RBKS: variants seen among roughly 807,000 people sequenced by gnomAD.
RBKS encodes ribokinase.
RBKS carries 33 observed loss-of-function variants against 33.9 expected under a neutral mutation model. The observed-to-expected ratio is 0.97, with a 90% CI of 0.74 to 1.30. RBKS has a LOEUF of 1.30. Among genes scored for constraint, RBKS ranks in the 50% most tolerant of loss-of-function variants. The pLI is 0.00. For synonymous variants in RBKS, 125 were observed against 143.0 expected, an observed-to-expected ratio of 0.87 and a Z score of 0.90; for missense variants, 361 against 392.6, an observed-to-expected ratio of 0.92 and a Z score of 0.68.
At chr2:27,840,828 CTCTCAG>C (rs1663479244) in intron 5 of RBKS, among the ~76,000 whole-genome samples, 1 of 152,132 alleles carries the variant, frequency 6.6e-6, no homozygotes, top group South Asian at 2.1e-4. Flanking sequence ...ATGACTTAAC[CTCTCAG>C]TCTCAGTCTT....
At chr2:27,870,026 C>G (rs1018416455) in intron 1 of RBKS, 1 of 152,246 alleles carries the variant, frequency 6.6e-6, no homozygotes, top group African/African-American at 2.4e-5. Flanking sequence ...CGGACAAAGT[C>G]GATTCACCTT....
rs550766492 is a variant in RBKS, at chr2:27,837,027, C to A, written c.515-4250G>T. On this transcript the variant is annotated intron_variant, in intron 5 of 7. Coordinates refer to ENST00000302188, the MANE Select transcript of RBKS (RefSeq NM_022128.3). This position sits in a 1 kb window ranked among gnomAD's most constrained non-coding sequence, Gnocchi z 4.0. ...GTGGCTCACACCTGTAATCCCAGCACTTTGGGCGGCCGAGGCAGGCAGATC... is the reference window on the plus strand; with the variant it reads ...GTGGCTCACACCTGTAATCCCAGCAATTTGGGCGGCCGAGGCAGGCAGATC... Among the ~76,000 whole-genome samples the A allele has an allele frequency of 7.3e-5, 11 of 151,624 alleles. No individual in the cohort carries two copies. The highest frequency in any genetic ancestry group is 2.7e-4 in the African/African-American group (11 of 40,912).
Position 27,787,193 on chromosome 2 carries a change from C to T in RBKS, c.796-5405G>A, listed in dbSNP as rs147430251. Among the ~76,000 whole-genome samples the T allele has an allele frequency of 6.1e-3, 922 of 152,206 alleles. 5 individuals are homozygous for T. Among genetic ancestry groups the T allele is most frequent in the Non-Finnish European group, 7.4e-3 (503 of 68,002 alleles). ...TTGTAGAGATGAGGTTGGCCAGGCA[C>T]GGCGGCTCACGTCTGTAATCCCAGC... On this transcript the variant is annotated intron_variant, in intron 7 of 7. Transcript: ENST00000302188.
intron 5 of RBKS, among the ~76,000 whole-genome samples, chr2:27,835,611 G>A (rs1678504110): frequency 7.0e-6 from 1 of 143,342 alleles, no homozygotes; most frequent in African/African-American, 2.6e-5. Flanking sequence ...TTTTGGTAGA[G>A]ATGAGGTTTT....
intron 7 of RBKS, among the ~76,000 whole-genome samples, chr2:27,803,575 G>A (rs1384218480): frequency 2.0e-5 from 3 of 151,792 alleles, no homozygotes; most frequent in Admixed American, 6.6e-5. Context: ...TTATAGTCCC[G>A]CCTGCTTGGG....
intron 1 of RBKS, among the ~76,000 whole-genome samples, chr2:27,878,536 A>G (rs1312905026): frequency 6.6e-6 from 1 of 152,014 alleles, no homozygotes; most frequent in Non-Finnish European, 1.5e-5. Context: ...AGTCCTTTGG[A>G]TATATACCCA....
At chr2:27,870,526 T>C (rs778788539) in intron 1 of RBKS, 4 of 307,464 alleles carry the variant, frequency 1.3e-5, no homozygotes, top group South Asian at 2.8e-5. Flanking sequence ...ATGTGTGCAC[T>C]GCACCCACCT....
chr2:27,829,332 G>C (rs1382761422), intron 6 of RBKS, among the ~76,000 whole-genome samples: 1 of 147,658 alleles, frequency 6.8e-6, no homozygotes, highest in African/African-American at 2.5e-5. Context: ...TCACACATCA[G>C]TTCCCACCTG....
At chr2:27,826,939 ATTT>A (rs1368383921) in intron 7 of RBKS, among the ~76,000 whole-genome samples, 1 of 152,276 alleles carries the variant, frequency 6.6e-6, no homozygotes, top group Non-Finnish European at 1.5e-5. Flanking sequence ...TCCTGTACAA[ATTT>A]CTTCTTCTGT....
At chr2:27,840,156 A>G (rs1194641533) in intron 5 of RBKS, among the ~76,000 whole-genome samples, 3 of 151,266 alleles carry the variant, frequency 2.0e-5, no homozygotes, top group Non-Finnish European at 4.4e-5. Context: ...AGTAGCTGGG[A>G]CTACAGGCAC....
intron 1 of RBKS, among the ~76,000 whole-genome samples, chr2:27,886,742 A>G (rs1338698489): frequency 1.3e-5 from 2 of 151,994 alleles, no homozygotes; most frequent in African/African-American, 4.8e-5. Flanking sequence ...TATATTTAAA[A>G]AAATAAAAAA....
At chr2:27,866,566 AC>A (rs1664104854) in intron 1 of RBKS, among the ~76,000 whole-genome samples, 2 of 152,182 alleles carry the variant, frequency 1.3e-5, no homozygotes, top group South Asian at 4.1e-4. Flanking sequence ...CAGGTCACAG[AC>A]ACTGTGCATT....
At chr2:27,789,892 GTGTATAGAGTGTGTGTGTGTGTGTT>G (rs1677475666) in intron 7 of RBKS, among the ~76,000 whole-genome samples, 1 of 143,496 alleles carries the variant, frequency 7.0e-6, no homozygotes, top group African/African-American at 2.6e-5. Context: ...GTGTGTGTGT[GTGTATAGAGTGTGTGTGTGTGTGTT>G]TGTGTGTGTA....
chr2:27,881,346 G>A lies in RBKS; in HGVS notation c.89+8911C>T, dbSNP rs191190924. The stretch of plus-strand genomic sequence containing the variant: ...ACCCGAGGTCAGGAGATTGAGACCA[G>A]CCTGGTCAACATGGCGAAACCCCGT... On this transcript the variant is annotated intron_variant, in intron 1 of 7. Coordinates refer to ENST00000302188, the MANE Select transcript of RBKS (RefSeq NM_022128.3). Among the ~76,000 whole-genome samples the A allele has an allele frequency of 1.7e-4, 26 of 152,114 alleles. No homozygotes were observed. In the East Asian group the frequency reaches 5.0e-3, roughly 29 times the overall value.
intron 3 of RBKS, 78 bp downstream of exon 3, chr2:27,847,956 T>A (rs1663653780): frequency 2.5e-6 from 2 of 813,444 alleles, no homozygotes; most frequent in South Asian, 3.1e-5. Flanking sequence ...ATAATCCTCC[T>A]CTAGATTCAA....
chr2:27,781,788 C>G lies in RBKS; in HGVS notation c.796G>C (p.Gly266Arg). 2 of 1,607,126 alleles carry G rather than the reference C, an allele frequency of 1.2e-6. No homozygotes were observed. Among genetic ancestry groups the G allele is most frequent in the Non-Finnish European group, 1.7e-6 (2 of 1,176,968 alleles). ...TEKVKAVDTT[G>R]AGDSFVGALA... ...GCTCCCACAAAGCTGTCACCAGCAC[C>G]CTGTAATTGAAAGCACAGTTTTGAA... The change falls in exon 8 of 8, where the codon GGT becomes CGT. Residue 266 changes from glycine (G) to arginine (R), a missense_variant and splice_region_variant. Transcript: ENST00000302188.
chr2:27,816,611 T>G (rs1469523441), intron 7 of RBKS, among the ~76,000 whole-genome samples: 1 of 142,608 alleles, frequency 7.0e-6, no homozygotes, highest in Non-Finnish European at 1.5e-5. Context: ...ATGTGTTTTT[T>G]TGTTTTTTTG....
chr2:27,832,566 T>C (rs1678438882), intron 6 of RBKS, 120 bp downstream of exon 6: 1 of 727,430 alleles, frequency 1.4e-6, no homozygotes, highest in Non-Finnish European at 2.4e-6. Flanking sequence ...AAAAAATCTG[T>C]TTTCACCATG....
chr2:27,791,354 T>C (rs1427524126), intron 7 of RBKS, among the ~76,000 whole-genome samples: 1 of 152,158 alleles, frequency 6.6e-6, no homozygotes, highest in African/African-American at 2.4e-5. Context: ...GTAAAGAAGA[T>C]TGATCCTCAC....
Sources: allele counts gnomAD v4.1 joint callset (sites outside exome capture counted in the v4.1 genomes callset), GRCh38; gene constraint gnomAD v4.1.1; non-coding constraint Gnocchi (gnomAD v3.1); transcripts MANE v1.5; gene names NCBI Gene and HGNC (gene_info 2026-07-23, HGNC 2026-07-21).